The following RREB1 variants were observed in gnomAD, a reference collection of about 807,000 sequenced individuals.
The protein encoded by RREB1 is ras-responsive element-binding protein 1.
In RREB1, 27 loss-of-function variants were observed where a neutral mutation model predicts 117.8. The observed-to-expected ratio is 0.23, with a 90% CI of 0.17 to 0.32. The LOEUF is 0.32. Among genes scored for constraint, RREB1 ranks in the 10% least tolerant of loss-of-function variants. The pLI, the probability that RREB1 is intolerant of heterozygous loss-of-function variation, is 1.00. For synonymous variants in RREB1, 1,298 were observed against 1,026.7 expected (o/e 1.26, Z -5.05); for missense variants, 2,577 against 2,378.2 (o/e 1.08, Z -1.74).
intron 1 of RREB1, among the ~76,000 whole-genome samples, chr6:7,133,096 T>A (rs991113222): frequency 6.6e-6 from 1 of 152,222 alleles, no homozygotes; most frequent in African/African-American, 2.4e-5. Context: ...GCATTTTCCC[T>A]GTTTACAATC....
intron 1 of RREB1, among the ~76,000 whole-genome samples, chr6:7,120,216 C>T (rs965006197): frequency 9.9e-5 from 15 of 151,840 alleles, no homozygotes; most frequent in Admixed American, 3.9e-4. Flanking sequence ...TTTGGGAGGC[C>T]GAGCCGTGCA....
At chr6:7,225,068 C>A (rs898133671) in intron 8 of RREB1, among the ~76,000 whole-genome samples, 1 of 152,222 alleles carries the variant, frequency 6.6e-6, no homozygotes, top group Non-Finnish European at 1.5e-5. Context: ...GTGAGCACAG[C>A]TGCTTCGTGG....
At chr6:7,197,644 C>T (rs1765739483) in intron 6 of RREB1, among the ~76,000 whole-genome samples, 1 of 152,186 alleles carries the variant, frequency 6.6e-6, no homozygotes, top group African/African-American at 2.4e-5. Context: ...CCAGCCTGGG[C>T]AACAAAGCAA....
chr6:7,172,128 T>C (rs902905971), intron 1 of RREB1, among the ~76,000 whole-genome samples: 2 of 152,008 alleles, frequency 1.3e-5, no homozygotes, highest in Non-Finnish European at 2.9e-5. Context: ...AAATTTCTTA[T>C]AGAGATGTGG....
At position 7,240,377 on chromosome 6, in the gene RREB1, G is replaced by A. The variant is rs545655940; in HGVS notation, c.3809-61G>A. On this transcript the variant is annotated intron_variant, in intron 10 of 12. Coordinates refer to ENST00000379938, the MANE Select transcript of RREB1 (RefSeq NM_001003699.4). ...TGATCCCAGGAGAATAAACAAAAGC[G>A]ACTTTTCTATTTCATTGCAGTAGAA... 9 of 1,433,808 alleles carry A rather than the reference G, an allele frequency of 6.3e-6. No individual in the cohort carries two copies. In the East Asian group the frequency reaches 9.2e-5, roughly 15 times the overall value. The allele number at this position is 1,433,808 out of a possible 1,614,324, so 88.8% of individuals were successfully genotyped here. A position where few individuals can be genotyped will look rare whatever the true frequency, so the allele number is the denominator to read the frequency against.
intron 1 of RREB1, among the ~76,000 whole-genome samples, chr6:7,134,728 A>G (rs973751913): frequency 6.6e-6 from 1 of 152,184 alleles, no homozygotes; most frequent in African/African-American, 2.4e-5. Flanking sequence ...GAATAAGTGG[A>G]TCCCTTGAAA....
intron 8 of RREB1, among the ~76,000 whole-genome samples, chr6:7,224,991 G>A (rs1267637065): frequency 3.3e-5 from 5 of 152,090 alleles, no homozygotes; most frequent in Admixed American, 2.6e-4. Flanking sequence ...TGCTGTGCCC[G>A]CTACAGCGCG....
At chr6:7,160,329 T>A (rs1763589286) in intron 1 of RREB1, among the ~76,000 whole-genome samples, 1 of 151,972 alleles carries the variant, frequency 6.6e-6, no homozygotes, top group East Asian at 1.9e-4. Flanking sequence ...TTATGTTAAG[T>A]TTTTTTAAAA....
chr6:7,149,878 G>A (rs1378580859), intron 1 of RREB1, among the ~76,000 whole-genome samples: 3 of 151,966 alleles, frequency 2.0e-5, no homozygotes, highest in Non-Finnish European at 2.9e-5. Flanking sequence ...TAGTAGAGAC[G>A]GGGTTTCACC....
intron 1 of RREB1, among the ~76,000 whole-genome samples, chr6:7,118,542 ATCTG>A (rs1761515801): frequency 6.6e-6 from 1 of 152,192 alleles, no homozygotes; most frequent in Admixed American, 6.5e-5. Context: ...GGTTAGTTAA[ATCTG>A]TATGTATTTG....
chr6:7,230,278 C>T lies in RREB1; in HGVS notation c.2179C>T (p.Arg727Cys). 2.5e-6 allele frequency: 4 copies of T among 1,597,290 alleles called. No individual in the cohort carries two copies. The highest frequency in any genetic ancestry group is 3.4e-6 in the Non-Finnish European group (4 of 1,177,860). ...HLRKKHLKAT[R>C]KDIEKNIEYV... ...GCGCAAGAAGCACCTCAAGGCCACC[C>T]GCAAGGATATCGAGAAGAACATCGA... The change falls in exon 10 of 13, where the codon CGC becomes TGC. Residue 727 changes from arginine (R) to cysteine (C), a missense_variant. By Grantham distance (180) the Arg-to-Cys change is radical. Transcript: ENST00000379938.
At chr6:7,124,820 T>G (rs946834605) in intron 1 of RREB1, among the ~76,000 whole-genome samples, 1 of 152,188 alleles carries the variant, frequency 6.6e-6, no homozygotes, top group Non-Finnish European at 1.5e-5. Flanking sequence ...GCAGTTGTTA[T>G]CCCCATGATT....
chr6:7,181,674 C>G (rs1353934495), intron 3 of RREB1, 196 bp from the exon 4 acceptor site: 1 of 610,704 alleles, frequency 1.6e-6, no homozygotes, highest in African/African-American at 1.9e-5. Flanking sequence ...AAGGTTACTT[C>G]GTCCTTGGTA....
rs188858219 is a variant in RREB1, at chr6:7,196,821, T to C, written c.425+7499T>C. 3.3e-5 allele frequency among the ~76,000 whole-genome samples: 5 copies of C among 152,350 alleles called. No homozygotes were observed. In the East Asian group the frequency reaches 9.6e-4, roughly 29 times the overall value. On this transcript the variant is annotated intron_variant, in intron 6 of 12. Coordinates refer to ENST00000379938, the MANE Select transcript of RREB1 (RefSeq NM_001003699.4). ...CCACTTGCCTGTATGCAGATTCTCA[T>C]GTGTTTGAGGTTTGAAAATCCTTTG...
chr6:7,209,261 A>C (rs1353434428), intron 6 of RREB1, among the ~76,000 whole-genome samples: 1 of 152,234 alleles, frequency 6.6e-6, no homozygotes, highest in Non-Finnish European at 1.5e-5. Flanking sequence ...GATTTTGTTA[A>C]TTAAAATTAA....
At chr6:7,121,469 T>TG (rs1455041331) in intron 1 of RREB1, among the ~76,000 whole-genome samples, 1 of 152,188 alleles carries the variant, frequency 6.6e-6, no homozygotes, top group Non-Finnish European at 1.5e-5. Context: ...AGTACCTCAG[T>TG]GGTCACCCGA....
chr6:7,178,108 C>T lies in RREB1; in HGVS notation c.-166+1335C>T, dbSNP rs971173596. 5.9e-5 allele frequency among the ~76,000 whole-genome samples: 9 copies of T among 152,252 alleles called. No homozygotes were observed. The South Asian group carries it at 6.2e-4, about 11-fold the overall frequency. On this transcript the variant is annotated intron_variant, in intron 2 of 12. Transcript: ENST00000379938. ...TTCCTGGCCTCAAGCCATCCTCCCACCTCAGGCTTCCAAAGTGCTGGGATT... is the reference window on the plus strand; with the variant it reads ...TTCCTGGCCTCAAGCCATCCTCCCATCTCAGGCTTCCAAAGTGCTGGGATT...
At chr6:7,223,821 CCT>C (rs1304357022) in intron 8 of RREB1, among the ~76,000 whole-genome samples, 2 of 152,178 alleles carry the variant, frequency 1.3e-5, no homozygotes, top group African/African-American at 4.8e-5. Flanking sequence ...TTTGCAGCCA[CCT>C]CTCAGTCCTA....
At chr6:7,168,148 G>A (rs956564178) in intron 1 of RREB1, among the ~76,000 whole-genome samples, 5 of 151,396 alleles carry the variant, frequency 3.3e-5, no homozygotes, top group East Asian at 2.0e-4. Flanking sequence ...CCAGCTACTC[G>A]GGAGGCTGAG....
Sources: allele counts gnomAD v4.1 joint callset (sites outside exome capture counted in the v4.1 genomes callset), GRCh38; gene constraint gnomAD v4.1.1; transcripts MANE v1.5; gene names NCBI Gene and HGNC (gene_info 2026-07-23, HGNC 2026-07-21).